ZDHHC14: variants seen among roughly 807,000 people sequenced by gnomAD.
The protein encoded by ZDHHC14 is palmitoyltransferase ZDHHC14.
In ZDHHC14, 16 loss-of-function variants were observed where a neutral mutation model predicts 47.7. The observed-to-expected ratio is 0.34, with a 90% CI of 0.23 to 0.51. The LOEUF is 0.51. Among genes scored for constraint, ZDHHC14 ranks in the 20% least tolerant of loss-of-function variants. ZDHHC14 has a pLI of 0.97. For synonymous variants in ZDHHC14, 293 were observed against 278.9 expected (o/e 1.05, Z -0.50); for missense variants, 515 against 662.5 (o/e 0.78, Z 2.44).
chr6:157,655,046 G>A (rs1778023416), intron 8 of ZDHHC14, among the ~76,000 whole-genome samples: 1 of 152,100 alleles, frequency 6.6e-6, no homozygotes, highest in Admixed American at 6.5e-5. Flanking sequence ...GTTTTCTTTC[G>A]AAGCAAGTAT....
chr6:157,611,477 C>T (rs901607211), intron 3 of ZDHHC14, among the ~76,000 whole-genome samples: 22 of 152,102 alleles, frequency 1.4e-4, no homozygotes, highest in African/African-American at 4.1e-4. Context: ...GCATCCCTGG[C>T]CAATAGGAAA....
chr6:157,396,163 T>C (rs1583609279), intron 1 of ZDHHC14, among the ~76,000 whole-genome samples: 2 of 152,104 alleles, frequency 1.3e-5, no homozygotes, highest in African/African-American at 4.8e-5. Context: ...CCTGGGTTAG[T>C]GAGAAGACCA....
In ZDHHC14 at chr6:157,672,791, A is replaced by G. The variant is rs1337055810; in HGVS notation, c.1136A>G (p.Gln379Arg). 2 of 1,612,860 alleles carry G rather than the reference A, an allele frequency of 1.2e-6. No homozygotes were observed. The highest frequency in any genetic ancestry group is 1.7e-6 in the Non-Finnish European group (2 of 1,179,856). Residue 379 changes from glutamine (Q) to arginine (R), a missense_variant, in exon 9 of 9, where the codon CAG becomes CGG. Gln to Arg is a conservative substitution (Grantham distance 43, BLOSUM62 1). Around this residue, in one of 4 missense-constraint regions of ZDHHC14, gnomAD observed 221 missense variants for 233.6 expected, o/e 0.95. Transcript: ENST00000359775. ...CAGGCTGCAGCCACGCCCCTGCTGC[A>G]GAGCGAGCCCAGCCTCACCAGCGAC... ...VLQAAATPLL[Q>R]SEPSLTSDEL...
At chr6:157,436,160 G>A (rs570265095) in intron 1 of ZDHHC14, among the ~76,000 whole-genome samples, 77 of 152,254 alleles carry the variant, frequency 5.1e-4, no homozygotes, top group African/African-American at 1.8e-3. Flanking sequence ...AGTCCTGCCA[G>A]GTGTCAGTTT....
chr6:157,633,796 G>T (rs1160304825), intron 5 of ZDHHC14, among the ~76,000 whole-genome samples: 1 of 152,202 alleles, frequency 6.6e-6, no homozygotes, highest in Non-Finnish European at 1.5e-5. Context: ...GGGATTACAG[G>T]TATGTGCCAC....
In ZDHHC14 at chr6:157,597,975, C is replaced by T. The variant is rs539624851; in HGVS notation, c.565+4829C>T. On this transcript the variant is annotated intron_variant, in intron 3 of 8. Transcript: ENST00000359775. ...TTACAGGCTCTCTTTCTCATTCCCT[C>T]GCCTCTTTTTGGCTGTGCTCTTCCT... 6.6e-5 allele frequency among the ~76,000 whole-genome samples: 10 copies of T among 152,338 alleles called. No individual in the cohort carries two copies. In the South Asian group the frequency reaches 2.1e-3, roughly 32 times the overall value.
intron 1 of ZDHHC14, among the ~76,000 whole-genome samples, chr6:157,396,232 C>A (rs908552959): frequency 2.6e-5 from 4 of 152,082 alleles, no homozygotes; most frequent in Non-Finnish European, 5.9e-5. Context: ...CCAGAAATAG[C>A]CTATGGTGGC....
At chr6:157,487,982 C>G (rs987830190) in intron 1 of ZDHHC14, among the ~76,000 whole-genome samples, 1 of 152,190 alleles carries the variant, frequency 6.6e-6, no homozygotes, top group Non-Finnish European at 1.5e-5. Context: ...AGATCATCCC[C>G]TCTGCTGCCT....
intron 1 of ZDHHC14, among the ~76,000 whole-genome samples, chr6:157,416,972 G>GTTTTTTTTGTTTTT (rs1777988938): frequency 2.2e-5 from 1 of 45,560 alleles, no homozygotes; most frequent in African/African-American, 1.1e-4. Context: ...TGCCTGGCTA[G>GTTTTTTTTGTTTTT]TTTTTTTTTT....
At chr6:157,650,843 C>T (rs1237916501) in intron 7 of ZDHHC14, among the ~76,000 whole-genome samples, 1 of 152,174 alleles carries the variant, frequency 6.6e-6, no homozygotes, top group Non-Finnish European at 1.5e-5. Context: ...AGTCCTGTCT[C>T]CCCACCAGCT....
rs571057904 is a variant in ZDHHC14 at position 157,659,732 on chromosome 6, A to G, written c.1068+6105A>G. On this transcript the variant is annotated intron_variant, in intron 8 of 8. Coordinates refer to ENST00000359775, the MANE Select transcript of ZDHHC14 (RefSeq NM_024630.3). ...GCCTGCAGCACCGTCGCTAAGAGCA[A>G]GTGGTCTGGCAAGTTGCCAAGCAAT... Among the ~76,000 whole-genome samples the G allele has an allele frequency of 2.0e-5, 3 of 152,330 alleles. No homozygotes were observed. In the East Asian group the frequency reaches 5.8e-4, roughly 29 times the overall value.
chr6:157,581,551 T>TA (rs1783521595), intron 2 of ZDHHC14, among the ~76,000 whole-genome samples: 1 of 152,194 alleles, frequency 6.6e-6, no homozygotes, highest in Admixed American at 6.5e-5. Flanking sequence ...TGTGGGAGTC[T>TA]AAGTCTCTTT....
At chr6:157,616,445 C>T (rs555582952) in intron 3 of ZDHHC14, among the ~76,000 whole-genome samples, 3 of 152,272 alleles carry the variant, frequency 2.0e-5, no homozygotes, top group Admixed American at 2.0e-4. Context: ...CAATTAGGTC[C>T]ACAAGTGTCC....
At chr6:157,644,017 A>G (rs1210868682) in intron 5 of ZDHHC14, among the ~76,000 whole-genome samples, 1 of 152,066 alleles carries the variant, frequency 6.6e-6, no homozygotes. Context: ...TTTCCGTTCC[A>G]TGTGTCCCCT....
chr6:157,545,290 AT>A lies in ZDHHC14; in HGVS notation c.406+2546del, dbSNP rs537822515. Among the ~76,000 whole-genome samples, 131 of 152,314 alleles carry A rather than the reference AT, an allele frequency of 8.6e-4. 2 individuals are homozygous for A. The highest frequency in any genetic ancestry group is 2.8e-3 in the African/African-American group (116 of 41,574). On this transcript the variant is annotated intron_variant, in intron 2 of 8. Transcript: ENST00000359775. ...ATTAAGTCGTGGTGATGGTTGCACAATGCAATAAATTCACTACAAGTCACTG... is the reference window on the plus strand; with the variant it reads ...ATTAAGTCGTGGTGATGGTTGCACAAGCAATAAATTCACTACAAGTCACTG...
chr6:157,629,622 AGGTACTTTCAATC>A (rs1785584672), intron 4 of ZDHHC14: 1 of 152,208 alleles, frequency 6.6e-6, no homozygotes, highest in South Asian at 2.1e-4. Flanking sequence ...AAATTTTCAT[AGGTACTTTCAATC>A]CTAGTTGCCA....
In ZDHHC14 at chr6:157,449,067, A is replaced by G. The variant is rs1247285582; in HGVS notation, c.245+66801A>G. ...TGACTTTGAGTGCAGGCCTCTTCACATGTGGCTTGCCCACCTCAGGCACCC... is the reference window on the plus strand; with the variant it reads ...TGACTTTGAGTGCAGGCCTCTTCACGTGTGGCTTGCCCACCTCAGGCACCC... On this transcript the variant is annotated intron_variant, in intron 1 of 8. Coordinates refer to ENST00000359775, the MANE Select transcript of ZDHHC14 (RefSeq NM_024630.3). Among the ~76,000 whole-genome samples, 7 of 152,228 alleles carry G rather than the reference A, an allele frequency of 4.6e-5. 1 individual carries two copies. The South Asian group carries it at 1.2e-3, about 27-fold the overall frequency.
intron 1 of ZDHHC14, among the ~76,000 whole-genome samples, chr6:157,467,885 C>G (rs1317852126): frequency 1.3e-5 from 2 of 152,074 alleles, no homozygotes; most frequent in African/African-American, 4.8e-5. Flanking sequence ...TAGACCGCAT[C>G]ATATTTATAC....
chr6:157,599,699 GAGC>G (rs1429492183), intron 3 of ZDHHC14, among the ~76,000 whole-genome samples: 1 of 152,192 alleles, frequency 6.6e-6, no homozygotes, highest in African/African-American at 2.4e-5. Flanking sequence ...GGCAGAAAAA[GAGC>G]AGCAAATAAA....
Sources: gnomAD v4.1 joint callset for allele counts (sites outside exome capture counted in the v4.1 genomes callset) on GRCh38, gnomAD v4.1.1 for gene constraint, gnomAD v4.1.1 regional missense constraint, MANE v1.5 for transcripts, NCBI Gene and HGNC (gene_info 2026-07-23, HGNC 2026-07-21) for gene names.